MTMR4: variants seen among roughly 807,000 people sequenced by gnomAD.
The protein encoded by MTMR4 is myotubularin related protein 4.
In MTMR4, 30 loss-of-function variants were observed where a neutral mutation model predicts 125.5. That is an observed-to-expected ratio of 0.24 (90% CI 0.18 to 0.32). The LOEUF (loss-of-function observed/expected upper bound fraction) is 0.32, where lower values mean the gene tolerates loss of function less well. MTMR4 is among the 10% of genes least tolerant of loss of function. The pLI, the probability that MTMR4 is intolerant of heterozygous loss-of-function variation, is 1.00. For synonymous variants in MTMR4, 498 were observed against 564.5 expected (o/e 0.88, Z 1.67); for missense variants, 1,039 against 1,511.5 (o/e 0.69, Z 5.18).
chr17:58,503,841 G>A lies in MTMR4; in HGVS notation c.1756C>T (p.Pro586Ser). Residue 586 changes from proline (P) to serine (S), a missense_variant, in exon 14 of 18, where the codon CCA becomes TCA. Physicochemically the swap from Pro to Ser is moderately conservative, Grantham distance 74. Coordinates refer to ENST00000682306, the MANE Select transcript of MTMR4 (RefSeq NM_001378067.1). ...ALHLWTAVYL[P>S]ASSPCTLGEE... ...CCAAGTGTGCATGGAGATGATGCTG[G>A]CAGATAAACAGCTGTCCAGAGGTGC... 1 of 1,614,110 alleles carries A rather than the reference G, an allele frequency of 6.2e-7. No individual in the cohort carries two copies. Among genetic ancestry groups the A allele is most frequent in the Non-Finnish European group, 8.5e-7 (1 of 1,180,006 alleles).
At chr17:58,507,056 C>A (rs533370299) in intron 8 of MTMR4, 67 bp downstream of exon 8, 3 of 1,596,916 alleles carry the variant, frequency 1.9e-6, no homozygotes, top group Non-Finnish European at 2.6e-6. Context: ...ACTGGGGACT[C>A]CCTGGGAGCC....
chr17:58,508,684 G>A lies in MTMR4; in HGVS notation c.493C>T (p.Pro165Ser), dbSNP rs762142945. 2 of 1,613,978 alleles carry A rather than the reference G, an allele frequency of 1.2e-6. No homozygotes were observed. The highest frequency in any genetic ancestry group is 2.2e-5 in the South Asian group (2 of 91,094). ...EEDQHTHLCQ[P>S]GEHIRCRQEA... ...AAAGAAAATAGACTGGCCTCACCTGGCTGACATAGGTGAGTGTGCTGGTCC... is the reference window on the plus strand; with the variant it reads ...AAAGAAAATAGACTGGCCTCACCTGACTGACATAGGTGAGTGTGCTGGTCC... Residue 165 changes from proline (P) to serine (S), a missense_variant, in exon 5 of 18, where the codon CCA becomes TCA. Coordinates refer to ENST00000682306, the MANE Select transcript of MTMR4 (RefSeq NM_001378067.1). The surrounding 1 kb of genome is among the most constrained non-coding windows in gnomAD (Gnocchi z 4.8).
At chr17:58,515,507 C>A (rs989525122), upstream of MTMR4, among the ~76,000 whole-genome samples, 2 of 152,196 alleles carry the variant, frequency 1.3e-5, no homozygotes, top group Non-Finnish European at 2.9e-5. Context: ...CAGGCAGTTT[C>A]TAACATTATC....
intron 1 of MTMR4, 99 bp from the exon 2 acceptor site, chr17:58,513,040 C>T: frequency 1.2e-6 from 1 of 835,114 alleles, no homozygotes; most frequent in Admixed American, 2.2e-5. Flanking sequence ...TACCCACACA[C>T]ACACACCTCT....
At chr17:58,518,972 C>G (rs1008716867), upstream of MTMR4, among the ~76,000 whole-genome samples, 3 of 152,202 alleles carry the variant, frequency 2.0e-5, no homozygotes, top group Non-Finnish European at 4.4e-5. Flanking sequence ...ACTACTTGAA[C>G]TCCAGGGTCT....
Position 58,514,512 on chromosome 17 carries a change from C to T in MTMR4, c.-105G>A. ...CGGCTGCGGGGCTCGCCAGGTGCAG[C>T]CGCGGCGGCCAAGAGGCTAGGGCGC... On this transcript the variant is annotated 5_prime_UTR_variant, in exon 1 of 18. Coordinates refer to ENST00000682306, the MANE Select transcript of MTMR4 (RefSeq NM_001378067.1). The T allele has an allele frequency of 2.0e-6, 2 of 985,138 alleles. No homozygotes were observed. Among genetic ancestry groups the T allele is most frequent in the Non-Finnish European group, 1.2e-6 (1 of 829,892 alleles). The allele number at this position is 985,138 out of a possible 1,614,324, so 61.0% of individuals were successfully genotyped here. A position where few individuals can be genotyped will look rare whatever the true frequency, so the allele number is the denominator to read the frequency against.
In MTMR4 at chr17:58,512,803, T is replaced by A. The variant is rs201086608; in HGVS notation, c.135+49A>T. 1 of 1,529,662 alleles carries A rather than the reference T, an allele frequency of 6.5e-7. No homozygotes were observed. The highest frequency in any genetic ancestry group is 9.0e-7 in the Non-Finnish European group (1 of 1,108,854). 94.8% of individuals were successfully genotyped at this position (1,529,662 alleles called of 1,614,324 possible). On this transcript the variant is annotated intron_variant, in intron 2 of 17. Coordinates refer to ENST00000682306, the MANE Select transcript of MTMR4 (RefSeq NM_001378067.1). This position sits in a 1 kb window ranked among gnomAD's most constrained non-coding sequence, Gnocchi z 4.1. ...TTTTTGGGAGAAGGGAGGGTGTTTTTTAACTGGGCAGGGAGCCCCATCTAT... is the reference window on the plus strand; with the variant it reads ...TTTTTGGGAGAAGGGAGGGTGTTTTATAACTGGGCAGGGAGCCCCATCTAT...
intron 15 of MTMR4, 32 bp downstream of exon 15, chr17:58,494,900 T>C: frequency 1.9e-6 from 3 of 1,588,786 alleles, no homozygotes; most frequent in South Asian, 1.1e-5. Context: ...ACAGAGTAAA[T>C]AATGGGTGTA....
At chr17:58,502,636 A>T (rs1277310280) in intron 14 of MTMR4, among the ~76,000 whole-genome samples, 1 of 152,220 alleles carries the variant, frequency 6.6e-6, no homozygotes, top group Non-Finnish European at 1.5e-5. Flanking sequence ...CTGTCATGAG[A>T]AGACAACCTA....
intron 14 of MTMR4, 103 bp from the exon 15 acceptor site, chr17:58,496,433 TAA>T: frequency 1.1e-6 from 1 of 921,230 alleles, no homozygotes. Flanking sequence ...AGTTTAGAAA[TAA>T]TGACACTTAA....
At chr17:58,498,532 G>A (rs1374214977) in intron 14 of MTMR4, among the ~76,000 whole-genome samples, 2 of 87,540 alleles carry the variant, frequency 2.3e-5, no homozygotes, top group East Asian at 7.8e-4. Flanking sequence ...GAGAAGCGGG[G>A]GAGGAGGGGG....
rs147735370 is a variant in MTMR4 at position 58,495,694 on chromosome 17, G to C, written c.2490C>G (p.Asn830Lys). The part of the protein sequence containing the change: ...VLDHSLSTVC[N>K]PPSAACQTPL... Reference sequence around the variant, plus strand: ...GAGTTTGGCAGGCAGCACTCGGTGGGTTGCAAACGGTGCTGAGGCTGTGAT... The same window carrying C: ...GAGTTTGGCAGGCAGCACTCGGTGGCTTGCAAACGGTGCTGAGGCTGTGAT... Residue 830 changes from asparagine (N) to lysine (K), a missense_variant, in exon 15 of 18, where the codon AAC becomes AAG. By Grantham distance (94) the Asn-to-Lys change is moderately conservative. This residue lies in a region of MTMR4 where 619 missense variants were observed against 714.5 expected (regional missense o/e 0.87). Transcript: ENST00000682306. 7.4e-5 allele frequency: 119 copies of C among 1,614,034 alleles called. No individual in the cohort carries two copies. The African/African-American group carries it at 1.4e-3, about 18-fold the overall frequency.
At position 58,503,842 on chromosome 17, in the gene MTMR4, C is replaced by A; in HGVS notation, c.1755G>T (p.Leu585=). The A allele has an allele frequency of 6.2e-7, 1 of 1,614,162 alleles. No homozygotes were observed. The highest frequency in any genetic ancestry group is 8.5e-7 in the Non-Finnish European group (1 of 1,180,022). Residue 585 remains leucine (L), a synonymous_variant, in exon 14 of 18, where the codon CTG becomes CTT. Coordinates refer to ENST00000682306, the MANE Select transcript of MTMR4 (RefSeq NM_001378067.1). ...RALHLWTAVY[L]PASSPCTLGE... ...CAAGTGTGCATGGAGATGATGCTGG[C>A]AGATAAACAGCTGTCCAGAGGTGCA...
rs1268874384 is a variant in MTMR4 at position 58,495,744 on chromosome 17, C to T, written c.2440G>A (p.Gly814Ser). Reference sequence around the variant, plus strand: ...TCAAGAACACACTTGGAGGGCACACCTAGCATGGAGTCTGGCTGGGCCTGT... The same window carrying T: ...TCAAGAACACACTTGGAGGGCACACTTAGCATGGAGTCTGGCTGGGCCTGT... ...PQQAQPDSML[G>S]VPSKCVLDHS... is the part of the protein sequence containing the mutation. Residue 814 changes from glycine to serine, a missense_variant, in exon 15 of 18, where the codon GGT (glycine) becomes AGT (serine). Coordinates refer to ENST00000682306, the MANE Select transcript of MTMR4 (RefSeq NM_001378067.1). 3.7e-6 allele frequency: 6 copies of T among 1,613,964 alleles called. No individual in the cohort carries two copies. The highest frequency in any genetic ancestry group is 1.3e-5 in the African/African-American group (1 of 74,896).
chr17:58,502,084 A>C (rs1223801814), intron 14 of MTMR4, among the ~76,000 whole-genome samples: 2 of 151,922 alleles, frequency 1.3e-5, no homozygotes, highest in African/African-American at 2.4e-5. Context: ...ACAAAAAAAA[A>C]ACACACAAAG....
chr17:58,492,821 C>A (rs1975350338), intron 16 of MTMR4, 21 bp downstream of exon 16: 1 of 1,597,474 alleles, frequency 6.3e-7, no homozygotes, highest in Non-Finnish European at 8.6e-7. Context: ...AAGTACCCAC[C>A]ACATATGTGC....
At chr17:58,501,298 G>A (rs1490055861) in intron 14 of MTMR4, among the ~76,000 whole-genome samples, 1 of 151,998 alleles carries the variant, frequency 6.6e-6, no homozygotes, top group Non-Finnish European at 1.5e-5. Flanking sequence ...ATCACTCGAC[G>A]CCAGGAATTT....
At chr17:58,509,080 C>T (rs201160198) in intron 4 of MTMR4, among the ~76,000 whole-genome samples, 3 of 152,148 alleles carry the variant, frequency 2.0e-5, no homozygotes, top group African/African-American at 7.2e-5. Flanking sequence ...CTTATCCTCT[C>T]GAATGGGGCG....
At chr17:58,494,079 C>T (rs573370836) in intron 15 of MTMR4, among the ~76,000 whole-genome samples, 2 of 152,176 alleles carry the variant, frequency 1.3e-5, no homozygotes, top group East Asian at 1.9e-4. Flanking sequence ...CTTTGGGAGG[C>T]CGAGGTGGGC....
Sources: gnomAD v4.1 joint callset for allele counts (sites outside exome capture counted in the v4.1 genomes callset) on GRCh38, gnomAD v4.1.1 for gene constraint, gnomAD v4.1.1 regional missense constraint, Gnocchi (gnomAD v3.1) non-coding constraint, MANE v1.5 for transcripts, NCBI Gene and HGNC (gene_info 2026-07-23, HGNC 2026-07-21) for gene names.